FRMD5: variants seen among roughly 807,000 people sequenced by gnomAD.
FRMD5 encodes FERM domain-containing protein 5.
Under a neutral mutation model 69.0 loss-of-function variants are expected in FRMD5, and 20 were observed. The observed-to-expected ratio is 0.29, with a 90% CI of 0.20 to 0.42. The LOEUF (loss-of-function observed/expected upper bound fraction) is 0.42. Ranked by LOEUF, FRMD5 falls within the 10% of genes least tolerant of loss-of-function variation. The pLI is 1.00. For synonymous variants in FRMD5, 271 were observed against 260.1 expected, an observed-to-expected ratio of 1.04 and a Z score of -0.40; for missense variants, 595 against 708.6, an observed-to-expected ratio of 0.84 and a Z score of 1.82.
intron 13 of FRMD5, chr15:43,876,227 TTTTCC>T (rs1305952939): frequency 6.3e-7 from 1 of 1,575,372 alleles, no homozygotes; most frequent in African/African-American, 1.4e-5. Flanking sequence ...CAGAACCACT[TTTTCC>T]TTTGGGCGGC....
rs1244542145 is a variant in FRMD5 at position 43,873,772 on chromosome 15, G to A, written c.*113C>T. 9 of 1,535,340 alleles carry A rather than the reference G, an allele frequency of 5.9e-6. No individual in the cohort carries two copies. In the Admixed American group the frequency reaches 1.9e-4, roughly 32 times the overall value. ...TAGGCTGCAGTGGACTTTGAGTCAT[G>A]AGAGGAGGACTTGGTATATGTGCCG... On this transcript the variant is annotated 3_prime_UTR_variant, in exon 14 of 14. Transcript: ENST00000417257.
chr15:44,024,512 A>G (rs1391894409), intron 1 of FRMD5, among the ~76,000 whole-genome samples: 3 of 152,144 alleles, frequency 2.0e-5, no homozygotes, highest in Non-Finnish European at 4.4e-5. Context: ...ATGGTATCTC[A>G]TCTTTTAACT....
chr15:43,994,113 C>T (rs1889812678), intron 1 of FRMD5, among the ~76,000 whole-genome samples: 1 of 152,088 alleles, frequency 6.6e-6, no homozygotes. Flanking sequence ...TTACTATTGC[C>T]ATTTTGTTAG....
intron 1 of FRMD5, among the ~76,000 whole-genome samples, chr15:44,057,203 C>T (rs1595677793): frequency 6.6e-6 from 1 of 151,776 alleles, no homozygotes; most frequent in Non-Finnish European, 1.5e-5. Context: ...CGGCTCACTG[C>T]CACCTCTGGC....
chr15:44,140,716 A>C (rs1176455690), intron 1 of FRMD5, among the ~76,000 whole-genome samples: 3 of 151,414 alleles, frequency 2.0e-5, no homozygotes, highest in Middle Eastern at 3.2e-3. Flanking sequence ...CCAACTCTAC[A>C]AAAAATACAA....
At chr15:43,900,548 A>G (rs1218344326) in intron 7 of FRMD5, among the ~76,000 whole-genome samples, 3 of 151,698 alleles carry the variant, frequency 2.0e-5, no homozygotes, top group Non-Finnish European at 4.4e-5. Flanking sequence ...GCAAGAATAA[A>G]TCACCATCTT....
In FRMD5 at chr15:44,143,924, CA is replaced by C. The variant is rs58823511; in HGVS notation, c.102+51028del. Among the ~76,000 whole-genome samples the C allele has an allele frequency of 3.3e-3, 305 of 92,704 alleles. 4 individuals are homozygous for C. In the East Asian group the frequency reaches 0.077, roughly 23 times the overall value. The allele number at this position is 92,704 out of a possible 152,430, so 60.8% of individuals were successfully genotyped here. ...GGGCGACAGACTGAGACTCTGTCAC[CA>C]AAAAAAAAAAAAAAAAAGGAAAAGA... is the stretch of plus-strand genomic sequence containing the variant. On this transcript the variant is annotated intron_variant, in intron 1 of 13. Coordinates refer to ENST00000417257, the MANE Select transcript of FRMD5 (RefSeq NM_032892.5).
chr15:43,967,856 C>T (rs2090318423), intron 1 of FRMD5, among the ~76,000 whole-genome samples: 1 of 151,702 alleles, frequency 6.6e-6, no homozygotes, highest in Non-Finnish European at 1.5e-5. Context: ...CCTATCAACC[C>T]ATCATCTAGA....
intron 1 of FRMD5, among the ~76,000 whole-genome samples, chr15:44,164,104 C>G (rs896111943): frequency 3.1e-4 from 47 of 152,286 alleles, no homozygotes; most frequent in African/African-American, 1.1e-3. Flanking sequence ...CTGTTCTTTC[C>G]TGTTTCTCAC....
At chr15:44,168,400 A>C (rs774180516) in intron 1 of FRMD5, among the ~76,000 whole-genome samples, 2 of 152,216 alleles carry the variant, frequency 1.3e-5, no homozygotes, top group South Asian at 4.1e-4. Context: ...CTATTTGATT[A>C]AGTTCTCATA....
At chr15:44,140,819 GC>G (rs1418036568) in intron 1 of FRMD5, among the ~76,000 whole-genome samples, 1 of 137,128 alleles carries the variant, frequency 7.3e-6, no homozygotes, top group Non-Finnish European at 1.5e-5. Context: ...GGAGATCGAG[GC>G]TGCAATGATC....
At chr15:44,035,158 A>C (rs1193884557) in intron 1 of FRMD5, among the ~76,000 whole-genome samples, 2 of 152,188 alleles carry the variant, frequency 1.3e-5, no homozygotes, top group Non-Finnish European at 2.9e-5. Context: ...ATGGTGTCAC[A>C]GGTGACTCTT....
intron 1 of FRMD5, chr15:43,988,944 C>T (rs1033910140): frequency 8.7e-6 from 5 of 575,034 alleles, no homozygotes; most frequent in Admixed American, 4.0e-5. Context: ...AATCCTGAGT[C>T]GAGCCAAACA....
Position 43,919,367 on chromosome 15 carries a change from G to A in FRMD5, c.329+92C>T, listed in dbSNP as rs551527026. The A allele has an allele frequency of 4.6e-4, 478 of 1,043,978 alleles. 1 individual carries two copies. The highest frequency in any genetic ancestry group is 6.7e-4 in the Non-Finnish European group (440 of 660,454). 64.7% of individuals were successfully genotyped at this position (1,043,978 alleles called of 1,614,324 possible). A position where few individuals can be genotyped will look rare whatever the true frequency, so the allele number is the denominator to read the frequency against. ...AGTTCCTTGCCTCTAAGAGTTAGGC[G>A]CTTCCAAATGAGAGGCTCTAAGAGG... On this transcript the variant is annotated intron_variant, in intron 4 of 13. Coordinates refer to ENST00000417257, the MANE Select transcript of FRMD5 (RefSeq NM_032892.5).
intron 1 of FRMD5, among the ~76,000 whole-genome samples, chr15:43,982,677 A>C (rs2090566549): frequency 6.6e-6 from 1 of 152,222 alleles, no homozygotes; most frequent in Non-Finnish European, 1.5e-5. Context: ...GAACTTTAGC[A>C]GTCCTACCAA....
chr15:43,896,286 C>T (rs1435672743), intron 7 of FRMD5, among the ~76,000 whole-genome samples: 1 of 152,204 alleles, frequency 6.6e-6, no homozygotes, highest in African/African-American at 2.4e-5. Flanking sequence ...AGTTTAGGAC[C>T]CCAGCTCTCC....
At position 44,151,040 on chromosome 15, in the gene FRMD5, C is replaced by T. The variant is rs142761529; in HGVS notation, c.102+43913G>A. On this transcript the variant is annotated intron_variant, in intron 1 of 13. Transcript: ENST00000417257. ...TTGGGAAGCAGAGGCTGCAGTGAGCCGAGATGGCACCACTGTACTCTTGCC... is the reference window on the plus strand; with the variant it reads ...TTGGGAAGCAGAGGCTGCAGTGAGCTGAGATGGCACCACTGTACTCTTGCC... Among the ~76,000 whole-genome samples, 480 of 151,762 alleles carry T rather than the reference C, an allele frequency of 3.2e-3. 3 individuals carry two copies. Among genetic ancestry groups the T allele is most frequent in the African/African-American group, 0.011 (447 of 41,326 alleles).
intron 1 of FRMD5, among the ~76,000 whole-genome samples, chr15:43,960,433 T>C (rs1270376555): frequency 1.3e-5 from 2 of 152,164 alleles, no homozygotes; most frequent in Non-Finnish European, 2.9e-5. Flanking sequence ...GTATATTTAG[T>C]AGAGACGGGG....
intron 1 of FRMD5, among the ~76,000 whole-genome samples, chr15:44,034,590 G>T (rs530680763): frequency 6.6e-6 from 1 of 152,178 alleles, no homozygotes; most frequent in South Asian, 2.1e-4. Context: ...GGAGTTAATG[G>T]GGTTATGTGC....
Sources: allele counts gnomAD v4.1 joint callset (sites outside exome capture counted in the v4.1 genomes callset), GRCh38; gene constraint gnomAD v4.1.1; transcripts MANE v1.5; gene names NCBI Gene and HGNC (gene_info 2026-07-23, HGNC 2026-07-21).